The following EXOC4 variants were observed in gnomAD, a reference collection of about 807,000 sequenced individuals.
The protein encoded by EXOC4 is SEC8-like 1.
A neutral mutation model predicts 107.2 loss-of-function variants in EXOC4; 71 were observed. The ratio of observed to expected loss-of-function variants is 0.66; its 90% CI spans 0.55 to 0.81. EXOC4 has a LOEUF of 0.81. Among genes scored for constraint, EXOC4 ranks in the 30% least tolerant of loss-of-function variants. The pLI is 0.00. For missense variants in EXOC4, 1,108 were observed against 1,189.6 expected (o/e 0.93, Z 1.01); for synonymous variants, 456 against 441.2 (o/e 1.03, Z -0.42).
chr7:133,755,233 TAATATATATAA>T (rs1795875290), intron 10 of EXOC4, among the ~76,000 whole-genome samples: 3 of 110,886 alleles, frequency 2.7e-5, no homozygotes, highest in African/African-American at 1.1e-4. Context: ...TATATATATA[TAATATATATAA>T]TATATATATT....
chr7:133,372,400 A>G (rs1796397044), intron 6 of EXOC4, among the ~76,000 whole-genome samples: 1 of 152,176 alleles, frequency 6.6e-6, no homozygotes, highest in African/African-American at 2.4e-5. Context: ...TATGATGGCC[A>G]CACTATAGGA....
chr7:133,648,473 C>T (rs1427866635), intron 10 of EXOC4, among the ~76,000 whole-genome samples: 1 of 152,074 alleles, frequency 6.6e-6, no homozygotes, highest in Non-Finnish European at 1.5e-5. Flanking sequence ...TAATATTGTT[C>T]TCAAATATTT....
At chr7:133,851,086 G>A (rs1481573031) in intron 11 of EXOC4, among the ~76,000 whole-genome samples, 2 of 152,188 alleles carry the variant, frequency 1.3e-5, no homozygotes, top group African/African-American at 4.8e-5. Flanking sequence ...GATCTGTCAA[G>A]CACACATGTT....
chr7:133,538,154 T>A (rs1563100836), intron 9 of EXOC4, among the ~76,000 whole-genome samples: 1 of 152,196 alleles, frequency 6.6e-6, no homozygotes, highest in Non-Finnish European at 1.5e-5. Context: ...CCGTTTGAAT[T>A]CAAATTCACT....
chr7:133,872,082 C>G (rs552539110), intron 11 of EXOC4, among the ~76,000 whole-genome samples: 8 of 151,918 alleles, frequency 5.3e-5, no homozygotes, highest in Admixed American at 4.6e-4. Flanking sequence ...TGTGACAGTT[C>G]TCGGGAACTA....
chr7:133,867,920 T>C (rs561167713), intron 11 of EXOC4, among the ~76,000 whole-genome samples: 2 of 152,366 alleles, frequency 1.3e-5, no homozygotes, highest in South Asian at 4.1e-4. Context: ...CTTTAAAGCA[T>C]ATGTGCTAAT....
chr7:133,923,472 C>T (rs193268802), intron 13 of EXOC4, among the ~76,000 whole-genome samples: 2 of 152,210 alleles, frequency 1.3e-5, no homozygotes, highest in Admixed American at 1.3e-4. Flanking sequence ...AAGGGTATCT[C>T]TTTATCATTT....
At chr7:133,898,076 C>CTA (rs1799361650) in intron 12 of EXOC4, among the ~76,000 whole-genome samples, 1 of 144,440 alleles carries the variant, frequency 6.9e-6, no homozygotes, top group African/African-American at 2.5e-5. Flanking sequence ...AAGTTCAACT[C>CTA]TTTTAGAGTC....
chr7:133,831,825 G>A (rs536089630), intron 11 of EXOC4, among the ~76,000 whole-genome samples: 93 of 152,124 alleles, frequency 6.1e-4, no homozygotes, highest in South Asian at 1.9e-3. Context: ...ATTCATATCC[G>A]TATATATTTC....
chr7:133,819,043 G>A (rs553144723), intron 11 of EXOC4, among the ~76,000 whole-genome samples: 1 of 152,252 alleles, frequency 6.6e-6, no homozygotes, highest in South Asian at 2.1e-4. Flanking sequence ...GGCCCTGGCT[G>A]TGAGTGCCTC....
intron 7 of EXOC4, among the ~76,000 whole-genome samples, chr7:133,401,523 G>A (rs1370407006): frequency 6.6e-6 from 1 of 151,974 alleles, no homozygotes; most frequent in Non-Finnish European, 1.5e-5. Flanking sequence ...TTAGCTGGGT[G>A]TGGTTGCATG....
At chr7:133,622,500 C>T (rs1001592607) in intron 9 of EXOC4, among the ~76,000 whole-genome samples, 21 of 152,030 alleles carry the variant, frequency 1.4e-4, no homozygotes, top group African/African-American at 4.1e-4. Context: ...GACAGGAAAA[C>T]GTAGAGTTCT....
chr7:133,390,867 C>T (rs1349043971), intron 7 of EXOC4, among the ~76,000 whole-genome samples: 1 of 152,134 alleles, frequency 6.6e-6, no homozygotes, highest in Non-Finnish European at 1.5e-5. Context: ...ATACTTTTCC[C>T]TAGTTGCAGA....
intron 9 of EXOC4, among the ~76,000 whole-genome samples, chr7:133,509,447 A>C (rs1799726406): frequency 6.6e-6 from 1 of 151,976 alleles, no homozygotes; most frequent in African/African-American, 2.4e-5. Flanking sequence ...AAAGAAATAT[A>C]AGCAGAGGTA....
At chr7:133,722,221 A>G (rs1191523605) in intron 10 of EXOC4, among the ~76,000 whole-genome samples, 3 of 152,198 alleles carry the variant, frequency 2.0e-5, no homozygotes, top group African/African-American at 4.8e-5. Flanking sequence ...TTTCATTGCA[A>G]TGAAATGTTG....
At chr7:133,680,907 A>T (rs558039079) in intron 10 of EXOC4, among the ~76,000 whole-genome samples, 1 of 152,192 alleles carries the variant, frequency 6.6e-6, no homozygotes, top group Admixed American at 6.5e-5. Flanking sequence ...TGAGCTTTAT[A>T]TAGCAAAGTA....
intron 9 of EXOC4, among the ~76,000 whole-genome samples, chr7:133,584,037 C>G (rs1801339318): frequency 6.6e-6 from 1 of 152,004 alleles, no homozygotes; most frequent in African/African-American, 2.4e-5. Flanking sequence ...GACTATGGCT[C>G]AGAAAATTGC....
chr7:134,081,013 C>T, the EXOC4 span, among the ~76,000 whole-genome samples: 1 of 152,060 alleles, frequency 6.6e-6, no homozygotes, highest in Non-Finnish European at 1.5e-5. Flanking sequence ...TTTAATTTTT[C>T]CTTCTAAATG....
chr7:133,631,264 T>G (rs978808429), intron 10 of EXOC4, among the ~76,000 whole-genome samples: 1 of 152,092 alleles, frequency 6.6e-6, no homozygotes, highest in South Asian at 2.1e-4. Context: ...TCTATAATAT[T>G]TGAGGCATTT....
Sources: gnomAD v4.1 joint callset for allele counts (sites outside exome capture counted in the v4.1 genomes callset) on GRCh38, gnomAD v4.1.1 for gene constraint, MANE v1.5 for transcripts, NCBI Gene and HGNC (gene_info 2026-07-23, HGNC 2026-07-21) for gene names.